The following CFAP92 variants were observed in gnomAD, a reference collection of about 807,000 sequenced individuals.
CFAP92 encodes uncharacterized protein CFAP92.
In CFAP92, 86 loss-of-function variants were observed where a neutral mutation model predicts 106.3. The ratio of observed to expected loss-of-function variants is 0.81; its 90% CI spans 0.68 to 0.97. The LOEUF (loss-of-function observed/expected upper bound fraction) is 0.97, where lower values mean the gene tolerates loss of function less well. Among genes scored for constraint, CFAP92 ranks in the 50% least tolerant of loss-of-function variants. CFAP92 has a pLI of 0.00. For missense variants in CFAP92, 1,204 were observed against 1,283.8 expected (o/e 0.94, Z 0.95); for synonymous variants, 477 against 506.4 (o/e 0.94, Z 0.78).
upstream of CFAP92, among the ~76,000 whole-genome samples, chr3:129,007,233 T>G (rs376709060): frequency 1.4e-4 from 21 of 152,326 alleles, 1 homozygote; most frequent in Admixed American, 4.6e-4. Flanking sequence ...AGGCTACAAT[T>G]CACCTCTGCT....
chr3:128,964,656 T>C (rs1384856521), intron 9 of CFAP92, among the ~76,000 whole-genome samples: 1 of 152,154 alleles, frequency 6.6e-6, no homozygotes, highest in African/African-American at 2.4e-5. Context: ...TTATACCTGT[T>C]TTTCTCCCTC....
At chr3:128,911,811 G>A (rs980077117) in intron 15 of CFAP92, among the ~76,000 whole-genome samples, 1 of 152,202 alleles carries the variant, frequency 6.6e-6, no homozygotes, top group African/African-American at 2.4e-5. Flanking sequence ...ACCTGATTCT[G>A]GAGACAGCAT....
chr3:128,994,208 A>G, upstream of CFAP92: 6 of 947,116 alleles, frequency 6.3e-6, no homozygotes, highest in Non-Finnish European at 7.5e-6. Context: ...CCCCTCAGCC[A>G]CTGCGCGCAG....
chr3:128,950,222 C>A (rs1051754490), intron 9 of CFAP92, among the ~76,000 whole-genome samples: 3 of 152,100 alleles, frequency 2.0e-5, no homozygotes, highest in Admixed American at 6.5e-5. Context: ...CAGGCTAGAC[C>A]CTGACCCCCC....
rs1396320736 is a variant in CFAP92, at chr3:128,935,265, C to T, written c.2313G>A (p.Leu771=). 1 of 1,535,938 alleles carries T rather than the reference C, an allele frequency of 6.5e-7. No individual in the cohort carries two copies. The highest frequency in any genetic ancestry group is 8.7e-7 in the Non-Finnish European group (1 of 1,146,744). Residue 771 remains leucine (L), a synonymous_variant, in exon 11 of 16, where the codon CTG becomes CTA. Coordinates refer to ENST00000645291, the MANE Select transcript of CFAP92 (RefSeq NM_001394090.1). ...KYKVLYNSQL[L]FRSRLYGDLE... ...GGTCCCCATAGAGCCGGCTGCGGAA[C>T]AGCAGCTGTGAGTTGTACAGCACCT...
intron 9 of CFAP92, among the ~76,000 whole-genome samples, chr3:128,955,567 C>CT (rs1234999388): frequency 3.1e-5 from 1 of 32,358 alleles, no homozygotes. Flanking sequence ...GTCAGCCCCC[C>CT]GCCCGGCCAG....
At chr3:129,025,994 A>ACCCC in the CFAP92 span, among the ~76,000 whole-genome samples, 1 of 152,154 alleles carries the variant, frequency 6.6e-6, no homozygotes, top group African/African-American at 2.4e-5. Flanking sequence ...CTGAGTGCAG[A>ACCCC]CCCCACCTCT....
At chr3:128,956,971 C>T (rs1238088482) in intron 9 of CFAP92, among the ~76,000 whole-genome samples, 1 of 88,444 alleles carries the variant, frequency 1.1e-5, no homozygotes, top group Non-Finnish European at 2.1e-5. Context: ...CAGAGCCAGA[C>T]TCTCTCAAAA....
At chr3:128,988,155 ACGTCTGCACACATG>A (rs1160178979) in intron 3 of CFAP92, among the ~76,000 whole-genome samples, 1 of 152,114 alleles carries the variant, frequency 6.6e-6, no homozygotes, top group Non-Finnish European at 1.5e-5. Context: ...ATGCACACAC[ACGTCTGCACACATG>A]CACACACACA....
At chr3:129,022,983 T>C in the CFAP92 span, among the ~76,000 whole-genome samples, 1 of 152,200 alleles carries the variant, frequency 6.6e-6, no homozygotes, top group Non-Finnish European at 1.5e-5. Context: ...CTCTCTTGAA[T>C]GGACAGAGAA....
intron 2 of CFAP92, chr3:128,991,523 C>G (rs1176640238): frequency 6.5e-6 from 1 of 154,738 alleles, no homozygotes; most frequent in Non-Finnish European, 1.4e-5. Flanking sequence ...GGAGGAGAGC[C>G]GGCTGGAATA....
chr3:129,009,280 T>C, the CFAP92 span, among the ~76,000 whole-genome samples: 2 of 152,188 alleles, frequency 1.3e-5, no homozygotes, highest in African/African-American at 4.8e-5. Flanking sequence ...TTCTTAGAAC[T>C]GAAAAGTGTA....
intron 12 of CFAP92, among the ~76,000 whole-genome samples, chr3:128,931,102 G>A (rs959415566): frequency 1.3e-5 from 2 of 152,110 alleles, no homozygotes; most frequent in Admixed American, 1.3e-4. Context: ...GACGGGTTTT[G>A]CCATGTTGGC....
At chr3:128,985,197 G>A (rs912895740) in intron 4 of CFAP92, among the ~76,000 whole-genome samples, 1 of 152,182 alleles carries the variant, frequency 6.6e-6, no homozygotes, top group African/African-American at 2.4e-5. Context: ...AGTGGCTCAC[G>A]CTTGTGATCC....
intron 12 of CFAP92, among the ~76,000 whole-genome samples, chr3:128,923,313 A>G (rs1471889246): frequency 6.6e-6 from 1 of 152,212 alleles, no homozygotes; most frequent in East Asian, 1.9e-4. Context: ...TCACGCTGAC[A>G]TCAACCCCCA....
chr3:128,913,093 T>A, intron 15 of CFAP92: 2 of 452,652 alleles, frequency 4.4e-6, no homozygotes, highest in Non-Finnish European at 8.9e-6. Context: ...GAATATAAAA[T>A]GTCACAATCT....
At chr3:128,970,964 T>TA in intron 8 of CFAP92, 2 of 397,932 alleles carry the variant, frequency 5.0e-6, no homozygotes, top group Non-Finnish European at 9.0e-6. Flanking sequence ...GGAAAGCATT[T>TA]ATTAAAAGCA....
intron 12 of CFAP92, among the ~76,000 whole-genome samples, chr3:128,931,095 G>A (rs971896682): frequency 2.0e-5 from 3 of 152,212 alleles, no homozygotes; most frequent in East Asian, 1.9e-4. Flanking sequence ...TAGTAGAGAC[G>A]GGTTTTGCCA....
chr3:128,925,423 G>A (rs544524268), intron 12 of CFAP92, among the ~76,000 whole-genome samples: 9 of 152,212 alleles, frequency 5.9e-5, no homozygotes, highest in Non-Finnish European at 8.8e-5. Flanking sequence ...AACAGGCCTC[G>A]AACTGCTACT....
Sources: allele counts gnomAD v4.1 joint callset (sites outside exome capture counted in the v4.1 genomes callset), GRCh38; gene constraint gnomAD v4.1.1; transcripts MANE v1.5; gene names NCBI Gene and HGNC (gene_info 2026-07-23, HGNC 2026-07-21).